IPO7: variants seen among roughly 807,000 people sequenced by gnomAD.
IPO7 encodes the protein importin-7.
In IPO7, 13 loss-of-function variants were observed where a neutral mutation model predicts 136.4. The ratio of observed to expected loss-of-function variants is 0.10; its 90% CI spans 0.06 to 0.15. IPO7 has a LOEUF of 0.15. IPO7 is among the 10% of genes least tolerant of loss of function. IPO7 has a pLI of 1.00. For missense variants in IPO7, 857 were observed against 1,240.6 expected (o/e 0.69, Z 4.65); for synonymous variants, 403 against 404.4 (o/e 1.00, Z 0.04).
At chr11:9,413,858 A>G (rs1015574890) in intron 4 of IPO7, among the ~76,000 whole-genome samples, 4 of 151,902 alleles carry the variant, frequency 2.6e-5, no homozygotes, top group Admixed American at 6.6e-5. Context: ...ATGCCTCCTC[A>G]TCTATATCAA....
rs116665418 is a variant in IPO7, at chr11:9,444,588, C to G, written c.3020-509C>G. On this transcript the variant is annotated intron_variant, in intron 24 of 24. Coordinates refer to ENST00000379719, the MANE Select transcript of IPO7 (RefSeq NM_006391.3). ...ATGTTGGCCAGGCTGGTCTCAAAAACTCCTGACTCCTGAGGCGGATGGATC... is the reference window on the plus strand; with the variant it reads ...ATGTTGGCCAGGCTGGTCTCAAAAAGTCCTGACTCCTGAGGCGGATGGATC... Among the ~76,000 whole-genome samples, 848 of 151,724 alleles carry G rather than the reference C, an allele frequency of 5.6e-3. 8 individuals are homozygous for G. Among genetic ancestry groups the G allele is most frequent in the African/African-American group, 0.019 (782 of 41,464 alleles).
intron 1 of IPO7, among the ~76,000 whole-genome samples, chr11:9,396,055 T>C (rs1317691863): frequency 1.3e-5 from 2 of 152,054 alleles, no homozygotes; most frequent in Non-Finnish European, 2.9e-5. Context: ...CATTGCACTT[T>C]TAAAATTTAT....
At chr11:9,394,558 A>G (rs1854683152) in intron 1 of IPO7, among the ~76,000 whole-genome samples, 1 of 152,190 alleles carries the variant, frequency 6.6e-6, no homozygotes, top group South Asian at 2.1e-4. Flanking sequence ...TTCCTATAGC[A>G]TAAATCTGAT....
intron 2 of IPO7, among the ~76,000 whole-genome samples, chr11:9,404,795 T>C (rs1040030755): frequency 3.3e-5 from 5 of 152,112 alleles, no homozygotes; most frequent in Non-Finnish European, 5.9e-5. Flanking sequence ...CTCGATTTGC[T>C]GACCTCGTGA....
rs1590434243 is a variant in IPO7 at position 9,408,709 on chromosome 11, T to TG, written c.320+70_320+71insG. 7.9e-6 allele frequency: 7 copies of TG among 888,460 alleles called. No homozygotes were observed. The East Asian group carries it at 9.3e-5, about 12-fold the overall frequency. The allele number at this position is 888,460 out of a possible 1,614,324, so 55.0% of individuals were successfully genotyped here. Reference sequence around the variant, plus strand: ...TCAGGGTTTTTTGTTTTTTGGTTTTTTTTTTTTTTTTTTTTTTTTTTGAGA... The same window carrying TG: ...TCAGGGTTTTTTGTTTTTTGGTTTTTGTTTTTTTTTTTTTTTTTTTTTGAGA... On this transcript the variant is annotated intron_variant, in intron 3 of 24. Transcript: ENST00000379719.
Position 9,437,736 on chromosome 11 carries a change from T to C in IPO7, c.2269-18T>C. The C allele has an allele frequency of 6.5e-7, 1 of 1,541,606 alleles. No homozygotes were observed. The highest frequency in any genetic ancestry group is 9.0e-7 in the Non-Finnish European group (1 of 1,117,182). On this transcript the variant is annotated intron_variant, in intron 20 of 24. Coordinates refer to ENST00000379719, the MANE Select transcript of IPO7 (RefSeq NM_006391.3). ...TATTAATTATAGTCTTAGAATATCTTGCTATCTTTTTTTGTAGTGCATTCC... is the reference window on the plus strand; with the variant it reads ...TATTAATTATAGTCTTAGAATATCTCGCTATCTTTTTTTGTAGTGCATTCC...
At chr11:9,417,262 G>A (rs1345183302) in intron 6 of IPO7, 114 bp downstream of exon 6, 2 of 500,350 alleles carry the variant, frequency 4.0e-6, no homozygotes, top group South Asian at 3.6e-5. Context: ...ATATGGTGAT[G>A]TATTTTTTTC....
chr11:9,402,464 C>T (rs948806988), intron 1 of IPO7, among the ~76,000 whole-genome samples: 4 of 149,148 alleles, frequency 2.7e-5, no homozygotes, highest in Non-Finnish European at 5.9e-5. Flanking sequence ...TGGCTCACGC[C>T]TGTAACCCCA....
At chr11:9,436,563 GT>G (rs1478209148) in intron 20 of IPO7, among the ~76,000 whole-genome samples, 197 bp downstream of exon 20, 1 of 151,942 alleles carries the variant, frequency 6.6e-6, no homozygotes, top group Non-Finnish European at 1.5e-5. Context: ...ATTGGACTAA[GT>G]TTTATGGCTA....
At chr11:9,432,599 C>G (rs913571709) in intron 16 of IPO7, among the ~76,000 whole-genome samples, 2 of 152,128 alleles carry the variant, frequency 1.3e-5, no homozygotes, top group Admixed American at 6.6e-5. Flanking sequence ...ATTGTTTATT[C>G]TATTTTAGGA....
chr11:9,438,288 A>G lies in IPO7; in HGVS notation c.2695+3A>G, dbSNP rs769220447. On this transcript the variant is annotated splice_donor_region_variant and intron_variant, in intron 22 of 24. Transcript: ENST00000379719. ...AGCTGAAGATGATGATGAAACCGGTAAGGGATTTTCAATGGAAGAAGACAA... is the reference window on the plus strand; with the variant it reads ...AGCTGAAGATGATGATGAAACCGGTGAGGGATTTTCAATGGAAGAAGACAA... The G allele has an allele frequency of 2.0e-6, 3 of 1,499,598 alleles. No individual in the cohort carries two copies. In the South Asian group the frequency reaches 3.4e-5, roughly 17 times the overall value. The allele number at this position is 1,499,598 out of a possible 1,614,324, so 92.9% of individuals were successfully genotyped here. A position where few individuals can be genotyped will look rare whatever the true frequency, so the allele number is the denominator to read the frequency against.
chr11:9,403,147 A>C (rs893613627), intron 1 of IPO7, 143 bp from the exon 2 acceptor site: 6 of 668,386 alleles, frequency 9.0e-6, no homozygotes, highest in Admixed American at 8.3e-5. Context: ...AATATAAGGG[A>C]GTGATGAGAA....
At chr11:9,386,648 A>G (rs906837377) in intron 1 of IPO7, among the ~76,000 whole-genome samples, 8 of 152,204 alleles carry the variant, frequency 5.3e-5, no homozygotes, top group Non-Finnish European at 2.9e-5. Flanking sequence ...TCTGAAATTC[A>G]TTTATTCCTC....
chr11:9,440,923 T>A (rs1420980424), intron 23 of IPO7, among the ~76,000 whole-genome samples: 1 of 152,238 alleles, frequency 6.6e-6, no homozygotes, highest in African/African-American at 2.4e-5. Context: ...CAGTGCCTCT[T>A]TGCTACTTCT....
intron 2 of IPO7, among the ~76,000 whole-genome samples, chr11:9,407,923 T>A (rs1174287210): frequency 1.3e-5 from 2 of 152,226 alleles, no homozygotes; most frequent in African/African-American, 4.8e-5. Context: ...GGTAGCAGTA[T>A]GATAACTGAC....
rs1337406927 is a variant in IPO7 at position 9,408,591 on chromosome 11, T to G, written c.272T>G (p.Ile91Ser). The change falls in exon 3 of 25, where the codon ATT becomes AGT. Residue 91 changes from isoleucine to serine, a missense_variant. By Grantham distance (142) the Ile-to-Ser change is moderately radical (BLOSUM62 -2). Around this residue, in one of 11 missense-constraint regions of IPO7, gnomAD observed 287 missense variants for 307.5 expected, o/e 0.93. Transcript: ENST00000379719. ...YTIPEEDRHC[I>S]RENIVEAIIH... Reference sequence around the variant, plus strand: ...ATTCCAGAAGAAGATCGCCATTGTATTCGAGAAAATATTGTAGAAGCCATT... The same window carrying G: ...ATTCCAGAAGAAGATCGCCATTGTAGTCGAGAAAATATTGTAGAAGCCATT... The G allele has an allele frequency of 2.5e-6, 4 of 1,610,828 alleles. No individual in the cohort carries two copies. The highest frequency in any genetic ancestry group is 3.4e-6 in the Non-Finnish European group (4 of 1,178,504).
chr11:9,389,981 T>G (rs2133716575), intron 1 of IPO7, among the ~76,000 whole-genome samples: 1 of 152,332 alleles, frequency 6.6e-6, no homozygotes, highest in East Asian at 1.9e-4. Context: ...GGTCTTGAAC[T>G]CCTCACTGCA....
At chr11:9,413,627 T>C (rs1302199343) in intron 4 of IPO7, among the ~76,000 whole-genome samples, 1 of 152,020 alleles carries the variant, frequency 6.6e-6, no homozygotes, top group Non-Finnish European at 1.5e-5. Flanking sequence ...TGTGCCTCAG[T>C]TTCCTGAACT....
chr11:9,386,291 A>C (rs1854551238), intron 1 of IPO7, among the ~76,000 whole-genome samples: 1 of 152,200 alleles, frequency 6.6e-6, no homozygotes, highest in African/African-American at 2.4e-5. Context: ...ACTCAGAGTC[A>C]CCTTGGGAGG....
Sources: gnomAD v4.1 joint callset for allele counts (sites outside exome capture counted in the v4.1 genomes callset) on GRCh38, gnomAD v4.1.1 for gene constraint, gnomAD v4.1.1 regional missense constraint, MANE v1.5 for transcripts, NCBI Gene and HGNC (gene_info 2026-07-23, HGNC 2026-07-21) for gene names.